The following ASXL3 variants were observed in gnomAD, a reference collection of about 807,000 sequenced individuals.
ASXL3 encodes putative Polycomb group protein ASXL3.
ASXL3 carries 34 observed loss-of-function variants against 170.6 expected under a neutral mutation model. That is an observed-to-expected ratio of 0.20 (90% CI 0.15 to 0.27). ASXL3 has a LOEUF of 0.27. Among genes scored for constraint, ASXL3 ranks in the 10% least tolerant of loss-of-function variants. The pLI is 1.00. For synonymous variants in ASXL3, 1,002 were observed against 989.1 expected, an observed-to-expected ratio of 1.01 and a Z score of -0.24; for missense variants, 2,592 against 2,695.3, an observed-to-expected ratio of 0.96 and a Z score of 0.85.
rs143168181 is a variant in ASXL3 at position 33,633,374 on chromosome 18, A to G, written c.138-11520A>G. Among the ~76,000 whole-genome samples the G allele has an allele frequency of 3.6e-3, 547 of 152,316 alleles. 1 individual carries two copies. Among genetic ancestry groups the G allele is most frequent in the African/African-American group, 0.013 (525 of 41,576 alleles). On this transcript the variant is annotated intron_variant, in intron 2 of 11. Coordinates refer to ENST00000269197, the MANE Select transcript of ASXL3 (RefSeq NM_030632.3). ...AGGAAATACTTAAACGAATTATGAT[A>G]CAGTACATATATTTTATAGACTCTT...
chr18:33,701,067 A>T (rs1020280273), intron 8 of ASXL3, among the ~76,000 whole-genome samples: 2 of 151,916 alleles, frequency 1.3e-5, no homozygotes, highest in Admixed American at 1.3e-4. Context: ...TTTAAAAGTT[A>T]TTAGCTATAC....
At chr18:33,717,342 A>G (rs2067181085) in intron 8 of ASXL3, among the ~76,000 whole-genome samples, 1 of 152,126 alleles carries the variant, frequency 6.6e-6, no homozygotes, top group African/African-American at 2.4e-5. Context: ...GGCATATTTG[A>G]GAATGCTATG....
chr18:33,580,779 C>A (rs1406535906), intron 1 of ASXL3, among the ~76,000 whole-genome samples: 1 of 152,078 alleles, frequency 6.6e-6, no homozygotes, highest in Non-Finnish European at 1.5e-5. Flanking sequence ...GAACGATAGA[C>A]CAGATGTCTC....
intron 4 of ASXL3, among the ~76,000 whole-genome samples, chr18:33,649,988 T>C (rs1393577880): frequency 1.3e-5 from 2 of 152,082 alleles, no homozygotes; most frequent in Non-Finnish European, 2.9e-5. Context: ...CATCAGCGGC[T>C]GAAATTCAGC....
chr18:33,589,592 T>G (rs1285159813), intron 1 of ASXL3, among the ~76,000 whole-genome samples: 1 of 152,146 alleles, frequency 6.6e-6, no homozygotes, highest in East Asian at 1.9e-4. Context: ...AGATAACTAT[T>G]GTCTAGTACA....
intron 5 of ASXL3, among the ~76,000 whole-genome samples, chr18:33,663,250 A>G (rs1355855304): frequency 1.3e-5 from 2 of 152,154 alleles, no homozygotes; most frequent in Non-Finnish European, 2.9e-5. Flanking sequence ...AAGATACAAA[A>G]ATGGACACTT....
chr18:33,580,544 A>G (rs1209815351), intron 1 of ASXL3, among the ~76,000 whole-genome samples: 1 of 152,214 alleles, frequency 6.6e-6, no homozygotes, highest in Non-Finnish European at 1.5e-5. Context: ...GAATTATTTA[A>G]TAAATAACAT....
intron 1 of ASXL3, among the ~76,000 whole-genome samples, chr18:33,605,269 T>A (rs909467026): frequency 1.2e-4 from 18 of 152,060 alleles, no homozygotes; most frequent in African/African-American, 4.3e-4. Flanking sequence ...TCTGTGAGTC[T>A]GATTCATGTC....
At chr18:33,702,662 G>A (rs1221426144) in intron 8 of ASXL3, among the ~76,000 whole-genome samples, 1 of 151,886 alleles carries the variant, frequency 6.6e-6, no homozygotes, top group Non-Finnish European at 1.5e-5. Flanking sequence ...TTTATATTTG[G>A]TTTGGGGAAT....
intron 8 of ASXL3, among the ~76,000 whole-genome samples, chr18:33,697,232 T>G (rs2066786900): frequency 6.6e-6 from 1 of 152,100 alleles, no homozygotes; most frequent in Non-Finnish European, 1.5e-5. Context: ...TTGAATTGAT[T>G]CAAAAGAATA....
At chr18:33,669,983 C>T (rs2066314515) in intron 5 of ASXL3, among the ~76,000 whole-genome samples, 1 of 152,112 alleles carries the variant, frequency 6.6e-6, no homozygotes, top group Non-Finnish European at 1.5e-5. Context: ...ACAAAGTGCT[C>T]CCATTTGGAC....
rs139700278 is a variant in ASXL3 at position 33,705,607 on chromosome 18, T to C, written c.879+22039T>C. Among the ~76,000 whole-genome samples, 493 of 152,026 alleles carry C rather than the reference T, an allele frequency of 3.2e-3. 5 individuals are homozygous for C. The highest frequency in any genetic ancestry group is 0.011 in the African/African-American group (473 of 41,564). On this transcript the variant is annotated intron_variant, in intron 8 of 11. Coordinates refer to ENST00000269197, the MANE Select transcript of ASXL3 (RefSeq NM_030632.3). ...TATTCAACAAGCTCCAAATTTTCCC[T>C]GTCCGTTTCTGATATTATGAATGCC...
chr18:33,719,722 A>G (rs1396960847), intron 8 of ASXL3, among the ~76,000 whole-genome samples: 1 of 151,976 alleles, frequency 6.6e-6, no homozygotes, highest in Admixed American at 6.6e-5. Flanking sequence ...TTCTCTTATA[A>G]GAAACCCCAG....
At chr18:33,723,266 T>A (rs554798356) in intron 8 of ASXL3, among the ~76,000 whole-genome samples, 1 of 152,296 alleles carries the variant, frequency 6.6e-6, no homozygotes, top group Admixed American at 6.5e-5. Flanking sequence ...CTGATGGTTC[T>A]GAGCAAGGTG....
Position 33,747,616 on chromosome 18 carries a change from C to CTT in ASXL3, c.*1025_*1026dup, listed in dbSNP as rs1316065955. The CTT allele has an allele frequency of 6.6e-6, 1 of 152,108 alleles. No homozygotes were observed. Among genetic ancestry groups the CTT allele is most frequent in the East Asian group, 1.9e-4 (1 of 5,184 alleles). The allele number at this position is 152,108 out of a possible 1,614,324, so 9.4% of individuals were successfully genotyped here. A position where few individuals can be genotyped will look rare whatever the true frequency, so the allele number is the denominator to read the frequency against. ...CAGACCTTGCAGAGGTTGGCCATAT[C>CTT]TTTTTAAAAGTGTCATTGATGATAA... On this transcript the variant is annotated 3_prime_UTR_variant, in exon 12 of 12. Coordinates refer to ENST00000269197, the MANE Select transcript of ASXL3 (RefSeq NM_030632.3).
intron 9 of ASXL3, among the ~76,000 whole-genome samples, chr18:33,732,521 G>T (rs1304471919): frequency 6.6e-6 from 1 of 152,032 alleles, no homozygotes; most frequent in Non-Finnish European, 1.5e-5. Context: ...TTTATAGTCA[G>T]GGATGGGCCC....
At chr18:33,605,248 G>C (rs2065232784) in intron 1 of ASXL3, among the ~76,000 whole-genome samples, 1 of 152,014 alleles carries the variant, frequency 6.6e-6, no homozygotes, top group Middle Eastern at 3.2e-3. Flanking sequence ...CAGTGTATTA[G>C]AGTATGGCTG....
At chr18:33,629,685 C>A (rs1419801300) in intron 2 of ASXL3, among the ~76,000 whole-genome samples, 2 of 151,986 alleles carry the variant, frequency 1.3e-5, no homozygotes, top group Admixed American at 1.3e-4. Flanking sequence ...CTGGTTGGAA[C>A]ATTGATATTG....
At chr18:33,708,379 G>T (rs1357499567) in intron 8 of ASXL3, among the ~76,000 whole-genome samples, 7 of 152,106 alleles carry the variant, frequency 4.6e-5, no homozygotes, top group Admixed American at 4.6e-4. Context: ...CATGCATATT[G>T]AATGTGTACA....
Sources: allele counts gnomAD v4.1 joint callset (sites outside exome capture counted in the v4.1 genomes callset), GRCh38; gene constraint gnomAD v4.1.1; transcripts MANE v1.5; gene names NCBI Gene and HGNC (gene_info 2026-07-23, HGNC 2026-07-21).